The following CKAP5 variants were observed in gnomAD, a reference collection of about 807,000 sequenced individuals.
CKAP5 encodes the protein cytoskeleton-associated protein 5.
Under a neutral mutation model 232.8 loss-of-function variants are expected in CKAP5, and 27 were observed. That is an observed-to-expected ratio of 0.12 (90% CI 0.09 to 0.16). CKAP5 has a LOEUF of 0.16. CKAP5 is among the 10% of genes least tolerant of loss of function. The pLI is 1.00. For missense variants in CKAP5, 1,838 were observed against 2,424.7 expected (o/e 0.76, Z 5.08); for synonymous variants, 785 against 841.1 (o/e 0.93, Z 1.16).
intron 29 of CKAP5, 78 bp downstream of exon 29, chr11:46,763,403 C>T: frequency 7.4e-7 from 1 of 1,343,440 alleles, no homozygotes; most frequent in Non-Finnish European, 1.0e-6. Flanking sequence ...CCAAGTCATG[C>T]AAACTTCAGA....
chr11:46,784,978 A>G (rs371191630), intron 16 of CKAP5, among the ~76,000 whole-genome samples: 1 of 152,202 alleles, frequency 6.6e-6, no homozygotes, highest in East Asian at 1.9e-4. Context: ...TCTTATGATT[A>G]TTTGCATTTA....
intron 24 of CKAP5, among the ~76,000 whole-genome samples, chr11:46,775,265 A>G (rs1406355998): frequency 6.6e-6 from 1 of 152,232 alleles, no homozygotes; most frequent in East Asian, 1.9e-4. Context: ...GAGAAATGCA[A>G]ATCAAAACAC....
intron 11 of CKAP5, among the ~76,000 whole-genome samples, 191 bp from the exon 12 acceptor site, chr11:46,797,131 T>C (rs999514891): frequency 1.1e-4 from 17 of 152,188 alleles, no homozygotes; most frequent in Non-Finnish European, 7.3e-5. Context: ...CAGTGGTTCA[T>C]GCCTGTAATC....
chr11:46,762,799 T>C, intron 30 of CKAP5, 37 bp from the exon 31 acceptor site: 3 of 1,603,448 alleles, frequency 1.9e-6, no homozygotes, highest in East Asian at 2.2e-5. Flanking sequence ...AGTGAGGCAT[T>C]TCCTAAGTAG....
chr11:46,779,479 C>T (rs1461506095), intron 20 of CKAP5, among the ~76,000 whole-genome samples: 1 of 151,302 alleles, frequency 6.6e-6, no homozygotes, highest in African/African-American at 2.4e-5. Flanking sequence ...CTTTATTGTG[C>T]ATAAAAGCAA....
Position 46,790,069 on chromosome 11 carries a change from GCA to G in CKAP5, c.1875+5_1875+6del, listed in dbSNP as rs1190559607. 1 of 1,575,564 alleles carries G rather than the reference GCA, an allele frequency of 6.3e-7. No homozygotes were observed. The highest frequency in any genetic ancestry group is 8.7e-7 in the Non-Finnish European group (1 of 1,148,178). On this transcript the variant is annotated splice_donor_5th_base_variant and intron_variant, in intron 15 of 43. Transcript: ENST00000529230. ...TCTTTCACACTCAATTCTTCCCTAT[GCA>G]CTACCTTCTGGAACTCTTCCATACA...
At chr11:46,755,729 G>C (rs933056418) in intron 35 of CKAP5, among the ~76,000 whole-genome samples, 1 of 151,496 alleles carries the variant, frequency 6.6e-6, no homozygotes, top group African/African-American at 2.4e-5. Flanking sequence ...ACGAGTAGGA[G>C]ATCAGCCTGG....
chr11:46,802,837 G>C (rs1939066124), intron 8 of CKAP5, among the ~76,000 whole-genome samples: 1 of 152,088 alleles, frequency 6.6e-6, no homozygotes, highest in African/African-American at 2.4e-5. Context: ...AAGTGCTGAG[G>C]AATAAGGATA....
chr11:46,750,737 G>A (rs1196358562), intron 40 of CKAP5, 126 bp from the exon 41 acceptor site: 1 of 694,724 alleles, frequency 1.4e-6, no homozygotes, highest in South Asian at 1.8e-5. Flanking sequence ...ACAGATAACA[G>A]ATGCACCGAT....
rs753178578 is a variant in CKAP5, at chr11:46,760,620, G to C, written c.4386C>G (p.Ser1462=). 9 of 1,614,116 alleles carry C rather than the reference G, an allele frequency of 5.6e-6. No homozygotes were observed. Among genetic ancestry groups the C allele is most frequent in the Middle Eastern group, 1.7e-4 (1 of 6,056 alleles). The change falls in exon 33 of 44, where the codon TCC becomes TCG. Residue 1462 remains serine, a synonymous_variant. Transcript: ENST00000529230. ...TATCTCTATCTACATACTTGAGTTT[G>C]GAAGACATGTCCTCAGCTGGTCCCT... ...LRKGPAEDMS[S]KLNQARSMSG...
At chr11:46,813,657 G>C (rs2134677907) in intron 4 of CKAP5, among the ~76,000 whole-genome samples, 1 of 152,222 alleles carries the variant, frequency 6.6e-6, no homozygotes, top group African/African-American at 2.4e-5. Context: ...TTAAACTATA[G>C]ACTCTGAAAT....
chr11:46,816,263 T>C lies in CKAP5; in HGVS notation c.393A>G (p.Lys131=), dbSNP rs746501599. Residue 131 remains lysine, a synonymous_variant, in exon 4 of 44, where the codon AAA becomes AAG. Coordinates refer to ENST00000529230, the MANE Select transcript of CKAP5 (RefSeq NM_001008938.4). The part of the protein sequence containing the change: ...KGEAVQEELL[K]GLDNKNPKII... ...TCTTGGGATTCTTATTGTCCAAGCC[T>C]TTCAGGAGCTCTTCTTGAACAGCCT... The C allele has an allele frequency of 2.5e-6, 4 of 1,614,042 alleles. No homozygotes were observed. The highest frequency in any genetic ancestry group is 3.4e-6 in the Non-Finnish European group (4 of 1,180,020).
chr11:46,784,519 T>A lies in CKAP5; in HGVS notation c.2123A>T (p.Glu708Val). The A allele has an allele frequency of 1.2e-6, 2 of 1,614,154 alleles. No homozygotes were observed. The highest frequency in any genetic ancestry group is 1.7e-6 in the Non-Finnish European group (2 of 1,180,000). The change falls in exon 17 of 44, where the codon GAA becomes GTA. Residue 708 changes from glutamate to valine, a missense_variant. Physicochemically the swap from Glu to Val is moderately radical, Grantham distance 121 (BLOSUM62 -2). Around this residue, in one of 6 missense-constraint regions of CKAP5, gnomAD observed 767 missense variants for 954.6 expected, o/e 0.80. Coordinates refer to ENST00000529230, the MANE Select transcript of CKAP5 (RefSeq NM_001008938.4). ...AGCAGTCCATGGTAACATACAGGCTTCGGCTATTGCTGTCATAGCTTCTTT... is the reference window on the plus strand; with the variant it reads ...AGCAGTCCATGGTAACATACAGGCTACGGCTATTGCTGTCATAGCTTCTTT... The part of the protein sequence containing the change: ...NAKEAMTAIA[E>V]ACMLPWTAEQ...
chr11:46,797,676 A>G, intron 11 of CKAP5, 129 bp downstream of exon 11: 1 of 881,612 alleles, frequency 1.1e-6, no homozygotes, highest in Non-Finnish European at 1.7e-6. Context: ...TCCAAGCTGC[A>G]AAGGCTCTGC....
intron 1 of CKAP5, among the ~76,000 whole-genome samples, chr11:46,834,019 G>C (rs1939858099): frequency 6.6e-6 from 1 of 152,110 alleles, no homozygotes; most frequent in African/African-American, 2.4e-5. Context: ...ACAGGCGTGT[G>C]CCACCACGTC....
chr11:46,762,246 A>G, intron 31 of CKAP5, 53 bp from the exon 32 acceptor site: 1 of 1,529,216 alleles, frequency 6.5e-7, no homozygotes, highest in Middle Eastern at 1.8e-4. Context: ...TGGGACAGAG[A>G]CTTATCCTTA....
intron 18 of CKAP5, among the ~76,000 whole-genome samples, chr11:46,781,759 A>C (rs975954661): frequency 6.6e-6 from 1 of 152,100 alleles, no homozygotes; most frequent in Non-Finnish European, 1.5e-5. Context: ...ACACCATCTA[A>C]ACTATACCAC....
intron 8 of CKAP5, among the ~76,000 whole-genome samples, chr11:46,804,541 C>A (rs1295759444): frequency 2.0e-5 from 3 of 152,154 alleles, no homozygotes; most frequent in Admixed American, 1.3e-4. Flanking sequence ...TGTCACTTTT[C>A]TCATAAATTG....
chr11:46,800,757 T>C (rs1035141711), intron 9 of CKAP5, among the ~76,000 whole-genome samples: 1 of 152,188 alleles, frequency 6.6e-6, no homozygotes, highest in Non-Finnish European at 1.5e-5. Flanking sequence ...TATATTAAAA[T>C]AGGAAAACAA....
Sources: allele counts gnomAD v4.1 joint callset (sites outside exome capture counted in the v4.1 genomes callset), GRCh38; gene constraint gnomAD v4.1.1; regional missense constraint gnomAD v4.1.1; transcripts MANE v1.5; gene names NCBI Gene and HGNC (gene_info 2026-07-23, HGNC 2026-07-21).